Variants in NPAS3 observed in about 807,000 individuals in gnomAD.
The protein encoded by NPAS3 is neuronal PAS domain protein 3.
Under a neutral mutation model 73.1 loss-of-function variants are expected in NPAS3, and 14 were observed. The ratio of observed to expected loss-of-function variants is 0.19; its 90% CI spans 0.13 to 0.30. The LOEUF (loss-of-function observed/expected upper bound fraction) is 0.30, where lower values mean the gene tolerates loss of function less well. Ranked by LOEUF, NPAS3 falls within the 10% of genes least tolerant of loss-of-function variation. The pLI is 1.00. For synonymous variants in NPAS3, 620 were observed against 541.5 expected (o/e 1.14, Z -2.01); for missense variants, 1,096 against 1,250.0 (o/e 0.88, Z 1.86).
At chr14:33,432,564 C>T (rs2048827019) in intron 4 of NPAS3, among the ~76,000 whole-genome samples, 1 of 152,156 alleles carries the variant, frequency 6.6e-6, no homozygotes, top group African/African-American at 2.4e-5. Context: ...CCACTTTGAA[C>T]AGTGGCCTCA....
intron 3 of NPAS3, among the ~76,000 whole-genome samples, chr14:33,323,034 A>T (rs1242809808): frequency 6.6e-6 from 1 of 152,282 alleles, no homozygotes; most frequent in African/African-American, 2.4e-5. Context: ...CTACTAAGAC[A>T]TAGCTCCTCA....
chr14:32,940,182 T>A (rs1328989093), intron 1 of NPAS3, among the ~76,000 whole-genome samples: 1 of 152,254 alleles, frequency 6.6e-6, no homozygotes, highest in Non-Finnish European at 1.5e-5. Flanking sequence ...TTTGGGGATC[T>A]GTGTTTTAAA....
At chr14:33,297,054 CAT>C (rs1423577078) in intron 3 of NPAS3, among the ~76,000 whole-genome samples, 5 of 152,112 alleles carry the variant, frequency 3.3e-5, no homozygotes, top group Admixed American at 2.0e-4. Context: ...TTAGTGATGA[CAT>C]ATGTAAAAAT....
chr14:33,360,565 G>T (rs1203035680), intron 3 of NPAS3, among the ~76,000 whole-genome samples: 1 of 152,140 alleles, frequency 6.6e-6, no homozygotes, highest in East Asian at 1.9e-4. Flanking sequence ...ACATCAAGTG[G>T]TTGAACCCAA....
intron 2 of NPAS3, among the ~76,000 whole-genome samples, chr14:33,196,610 C>A (rs575396857): frequency 2.6e-5 from 4 of 152,190 alleles, no homozygotes; most frequent in Non-Finnish European, 5.9e-5. Context: ...TAAGGACACA[C>A]AATAGCTGTT....
At chr14:33,799,690 TTCTC>T in intron 11 of NPAS3, 40 bp from the exon 12 acceptor site, 1 of 1,542,382 alleles carries the variant, frequency 6.5e-7, no homozygotes, top group Non-Finnish European at 8.7e-7. Context: ...CTTCTCTCTC[TTCTC>T]TCTCCGCCCC....
chr14:33,752,175 T>C (rs974415269), intron 7 of NPAS3, among the ~76,000 whole-genome samples: 3 of 152,218 alleles, frequency 2.0e-5, no homozygotes, highest in Non-Finnish European at 4.4e-5. Flanking sequence ...CTATAAAATA[T>C]AATATGAAAC....
chr14:33,068,323 G>A (rs1046764950), intron 2 of NPAS3, among the ~76,000 whole-genome samples: 5 of 152,162 alleles, frequency 3.3e-5, no homozygotes, highest in African/African-American at 9.7e-5. Context: ...TCTGTGCTCT[G>A]TCCATGAAAC....
At chr14:33,267,280 G>T in intron 3 of NPAS3, among the ~76,000 whole-genome samples, 1 of 152,110 alleles carries the variant, frequency 6.6e-6, no homozygotes, top group East Asian at 1.9e-4. Flanking sequence ...ATATTTTATG[G>T]TGTGAATTTT....
At chr14:33,346,076 C>CA (rs1372744355) in intron 3 of NPAS3, among the ~76,000 whole-genome samples, 1 of 151,498 alleles carries the variant, frequency 6.6e-6, no homozygotes, top group Non-Finnish European at 1.5e-5. Context: ...ACTAAAAATA[C>CA]AAAAAATTAG....
chr14:33,679,108 T>C (rs2059857944), intron 6 of NPAS3, among the ~76,000 whole-genome samples: 1 of 152,246 alleles, frequency 6.6e-6, no homozygotes, highest in Admixed American at 6.5e-5. Context: ...CCATCCTTGC[T>C]AGTGAGATTG....
At chr14:33,589,970 G>A (rs2139935901) in intron 5 of NPAS3, among the ~76,000 whole-genome samples, 1 of 152,308 alleles carries the variant, frequency 6.6e-6, no homozygotes, top group Admixed American at 6.5e-5. Flanking sequence ...GTATCAGCAA[G>A]ATGAGAAGGC....
chr14:33,161,513 G>A (rs1487619475), intron 2 of NPAS3, among the ~76,000 whole-genome samples: 3 of 152,112 alleles, frequency 2.0e-5, no homozygotes, highest in Non-Finnish European at 4.4e-5. Flanking sequence ...AGAAAACAAG[G>A]GTGAAGAATG....
intron 1 of NPAS3, among the ~76,000 whole-genome samples, chr14:32,950,656 A>G (rs759695068): frequency 2.0e-5 from 3 of 152,102 alleles, no homozygotes; most frequent in African/African-American, 2.4e-5. Context: ...ACATCTTTGT[A>G]TTTACCTCAG....
rs193136343 is a variant in NPAS3, at chr14:33,054,354, T to G, written c.51-1551T>G. 1.2e-4 allele frequency among the ~76,000 whole-genome samples: 19 copies of G among 152,272 alleles called. No homozygotes were observed. In the East Asian group the frequency reaches 1.3e-3, roughly 11 times the overall value. On this transcript the variant is annotated intron_variant, in intron 1 of 11. Transcript: ENST00000356141. The stretch of plus-strand genomic sequence containing the variant: ...TAAACAAGGGGTAAATGGTTAATTA[T>G]AAATAGAACTGTTGGCCTACAGAAT...
chr14:33,580,560 G>A (rs993084808), intron 5 of NPAS3, among the ~76,000 whole-genome samples: 5 of 152,110 alleles, frequency 3.3e-5, no homozygotes, highest in Admixed American at 6.5e-5. Context: ...GTACAGCCAC[G>A]GTAGTTCCCC....
chr14:33,537,449 C>T (rs1177951671), intron 4 of NPAS3, among the ~76,000 whole-genome samples: 1 of 152,236 alleles, frequency 6.6e-6, no homozygotes, highest in East Asian at 1.9e-4. Flanking sequence ...CAGGCATAAA[C>T]TTTTAATTGG....
intron 4 of NPAS3, among the ~76,000 whole-genome samples, chr14:33,368,132 G>A (rs1318946654): frequency 6.6e-6 from 1 of 151,926 alleles, no homozygotes; most frequent in Non-Finnish European, 1.5e-5. Context: ...AGGTAGCTAT[G>A]TTTTTCTGAG....
chr14:32,934,925 G>T, upstream of NPAS3: 1 of 1,075,638 alleles, frequency 9.3e-7, no homozygotes, highest in Non-Finnish European at 1.1e-6. The surrounding 1 kb of genome is among the most constrained non-coding windows in gnomAD (Gnocchi z 4.1). Flanking sequence ...GTGCCGGCCG[G>T]CGCGGGCATG....
Sources: gnomAD v4.1 joint callset for allele counts (sites outside exome capture counted in the v4.1 genomes callset) on GRCh38, gnomAD v4.1.1 for gene constraint, Gnocchi (gnomAD v3.1) non-coding constraint, MANE v1.5 for transcripts, NCBI Gene and HGNC (gene_info 2026-07-23, HGNC 2026-07-21) for gene names.